SEMA3A: variants seen among roughly 807,000 people sequenced by gnomAD.
SEMA3A encodes semaphorin 3A.
In SEMA3A, 29 loss-of-function variants were observed where a neutral mutation model predicts 97.9. The observed-to-expected ratio is 0.30, with a 90% CI of 0.22 to 0.40. SEMA3A has a LOEUF of 0.40. Among genes scored for constraint, SEMA3A ranks in the 10% least tolerant of loss-of-function variants. The pLI, the probability that SEMA3A is intolerant of heterozygous loss-of-function variation, is 1.00. For missense variants in SEMA3A, 763 were observed against 951.3 expected (o/e 0.80, Z 2.60); for synonymous variants, 321 against 323.7 (o/e 0.99, Z 0.09).
At position 84,060,507 on chromosome 7, in the gene SEMA3A, T is replaced by C; in HGVS notation, c.505A>G (p.Ser169Gly). The C allele has an allele frequency of 6.3e-7, 1 of 1,596,596 alleles. No individual in the cohort carries two copies. Among genetic ancestry groups the C allele is most frequent in the Non-Finnish European group, 8.5e-7 (1 of 1,173,642 alleles). The change falls in exon 5 of 17, where the codon AGT (serine) becomes GGT (glycine). Residue 169 changes from serine (S) to glycine (G), a missense_variant. This residue lies in a region of SEMA3A where 678 missense variants were observed against 881.3 expected (regional missense o/e 0.77). Coordinates refer to ENST00000265362, the MANE Select transcript of SEMA3A (RefSeq NM_006080.3). ...GTCAGCAGCTTAGGGTCATATGGAC[T>C]CTTCCCACGGCCGTTTTCAAAATGT... ...NSHFENGRGK[S>G]PYDPKLLTAS...
At chr7:84,116,888 G>C (rs1795449470) in intron 3 of SEMA3A, among the ~76,000 whole-genome samples, 1 of 152,128 alleles carries the variant, frequency 6.6e-6, no homozygotes, top group Non-Finnish European at 1.5e-5. Context: ...AGCCCTAATG[G>C]AGTAATACAA....
chr7:83,997,408 A>G (rs1401328051), intron 12 of SEMA3A, among the ~76,000 whole-genome samples: 1 of 152,026 alleles, frequency 6.6e-6, no homozygotes, highest in African/African-American at 2.4e-5. Context: ...TTTCCTTCCC[A>G]CTGTAAAATT....
intron 1 of SEMA3A, among the ~76,000 whole-genome samples, chr7:84,173,068 T>C (rs1797442199): frequency 6.6e-6 from 1 of 152,134 alleles, no homozygotes; most frequent in Non-Finnish European, 1.5e-5. Flanking sequence ...TTTATGACCA[T>C]ATTTTCAGAG....
intron 3 of SEMA3A, among the ~76,000 whole-genome samples, chr7:84,259,814 CAA>C (rs201882668): frequency 1.4e-4 from 10 of 73,266 alleles, no homozygotes; most frequent in Non-Finnish European, 1.2e-4. Context: ...AACACACGCA[CAA>C]AAAAAAAAAA....
chr7:84,328,991 T>G (rs1801842183), intron 2 of SEMA3A, among the ~76,000 whole-genome samples: 1 of 151,986 alleles, frequency 6.6e-6, no homozygotes, highest in African/African-American at 2.4e-5. Context: ...TGTTATACTT[T>G]AAGTTCTGGG....
intron 4 of SEMA3A, among the ~76,000 whole-genome samples, chr7:84,089,178 T>C (rs1229192102): frequency 6.6e-6 from 1 of 152,158 alleles, no homozygotes; most frequent in Non-Finnish European, 1.5e-5. Flanking sequence ...TACTTCCCTT[T>C]AAAGAAGAAT....
intron 3 of SEMA3A, among the ~76,000 whole-genome samples, chr7:84,249,285 T>C (rs1331784513): frequency 2.6e-5 from 4 of 152,004 alleles, no homozygotes; most frequent in Non-Finnish European, 4.4e-5. Context: ...GTTTTGAGAA[T>C]AGCAATTGAG....
At chr7:84,295,147 G>T (rs1423615680) in intron 3 of SEMA3A, among the ~76,000 whole-genome samples, 1 of 152,000 alleles carries the variant, frequency 6.6e-6, no homozygotes, top group Non-Finnish European at 1.5e-5. Flanking sequence ...GGATATAAAA[G>T]GATTTGATTT....
chr7:84,350,024 A>C (rs765044253), intron 2 of SEMA3A, among the ~76,000 whole-genome samples: 1 of 151,996 alleles, frequency 6.6e-6, no homozygotes, highest in Non-Finnish European at 1.5e-5. Flanking sequence ...AATCCCCCCA[A>C]ATTGGCCTAA....
At chr7:84,488,329 C>CACAG (rs1806635926) in intron 1 of SEMA3A, among the ~76,000 whole-genome samples, 2 of 151,474 alleles carry the variant, frequency 1.3e-5, no homozygotes, top group African/African-American at 4.9e-5. Context: ...CACACACACA[C>CACAG]ACACACACAC....
At chr7:84,406,135 A>G (rs1436447843) in intron 1 of SEMA3A, among the ~76,000 whole-genome samples, 1 of 152,186 alleles carries the variant, frequency 6.6e-6, no homozygotes, top group African/African-American at 2.4e-5. Flanking sequence ...AGATCAACAA[A>G]ATTGATAGAC....
At chr7:84,482,286 C>G (rs1402074724) in intron 1 of SEMA3A, among the ~76,000 whole-genome samples, 1 of 152,080 alleles carries the variant, frequency 6.6e-6, no homozygotes, top group Non-Finnish European at 1.5e-5. Context: ...AATTCTCTAT[C>G]ATAAAACAAT....
rs1803935758 is a variant in SEMA3A, at chr7:84,402,564, A to C, written c.-245-30664T>G. Among the ~76,000 whole-genome samples the C allele has an allele frequency of 7.2e-5, 11 of 152,338 alleles. No individual in the cohort carries two copies. The South Asian group carries it at 2.3e-3, about 32-fold the overall frequency. ...TCACTCCCATGTTTATTGCAGCACTATTTATAACCAAGATACGGAATCGAC... is the reference window on the plus strand; with the variant it reads ...TCACTCCCATGTTTATTGCAGCACTCTTTATAACCAAGATACGGAATCGAC... On this transcript the variant is annotated intron_variant, in intron 1 of 3. Transcript: ENST00000424555.
intron 3 of SEMA3A, among the ~76,000 whole-genome samples, chr7:84,271,288 C>A (rs186603843): frequency 1.1e-3 from 167 of 152,140 alleles, no homozygotes; most frequent in African/African-American, 3.9e-3. Context: ...CCTGGGCTCA[C>A]GCAATCCTCC....
chr7:84,365,015 C>G (rs754874435), intron 2 of SEMA3A, among the ~76,000 whole-genome samples: 2 of 151,408 alleles, frequency 1.3e-5, no homozygotes, highest in Non-Finnish European at 3.0e-5. Context: ...AGGACCCTGC[C>G]TTACCATTAC....
At chr7:84,194,424 G>GA in intron 1 of SEMA3A, 51 bp downstream of exon 1, 1 of 1,228,410 alleles carries the variant, frequency 8.1e-7, no homozygotes, top group Non-Finnish European at 1.2e-6. Context: ...GGAATTAAGG[G>GA]GGGGGGCGGT....
At chr7:83,981,992 C>T (rs17158436) in intron 13 of SEMA3A, among the ~76,000 whole-genome samples, 3,788 of 152,072 alleles carry the variant, frequency 0.025, 159 homozygotes, top group East Asian at 0.19. Context: ...GGGCTCAACA[C>T]CAAGAACTGT....
At chr7:84,254,113 G>T (rs935181276) in intron 3 of SEMA3A, among the ~76,000 whole-genome samples, 4 of 152,150 alleles carry the variant, frequency 2.6e-5, no homozygotes, top group African/African-American at 9.7e-5. Flanking sequence ...ACATCTGAAA[G>T]AGAGAACTGG....
At chr7:84,309,057 A>G (rs1801245511) in intron 2 of SEMA3A, among the ~76,000 whole-genome samples, 1 of 152,042 alleles carries the variant, frequency 6.6e-6, no homozygotes, top group South Asian at 2.1e-4. Flanking sequence ...ACCTCAGGTG[A>G]TCCGCCTGCC....
Sources: allele counts gnomAD v4.1 joint callset (sites outside exome capture counted in the v4.1 genomes callset), GRCh38; gene constraint gnomAD v4.1.1; regional missense constraint gnomAD v4.1.1; transcripts MANE v1.5; gene names NCBI Gene and HGNC (gene_info 2026-07-23, HGNC 2026-07-21).